The following KIAA1328 variants were observed in gnomAD, a reference collection of about 807,000 sequenced individuals.
KIAA1328 encodes the protein KIAA1328.
A neutral mutation model predicts 68.1 loss-of-function variants in KIAA1328; 52 were observed. That is an observed-to-expected ratio of 0.76 (90% CI 0.61 to 0.96). KIAA1328 has a LOEUF of 0.96. KIAA1328 is among the 40% of genes least tolerant of loss of function. The pLI, the probability that KIAA1328 is intolerant of heterozygous loss-of-function variation, is 0.00. For synonymous variants in KIAA1328, 232 were observed against 239.4 expected (o/e 0.97, Z 0.28); for missense variants, 641 against 677.6 (o/e 0.95, Z 0.60).
chr18:37,173,047 A>G lies in KIAA1328; in HGVS notation c.1489A>G (p.Thr497Ala). The G allele has an allele frequency of 6.2e-7, 1 of 1,613,608 alleles. No homozygotes were observed. Among genetic ancestry groups the G allele is most frequent in the South Asian group, 1.1e-5 (1 of 91,040 alleles). ...AGGAAGCCTAAAGGATTTTGTCACC[A>G]CAGCCTCACCATCATTACAGCACAC... ...PTGSLKDFVT[T>A]ASPSLQHTTS... is the part of the protein sequence containing the mutation. Residue 497 changes from threonine (T) to alanine (A), a missense_variant, in exon 9 of 10, where the codon ACA becomes GCA. Thr to Ala is a moderately conservative substitution (Grantham distance 58, BLOSUM62 0). Transcript: ENST00000280020.
chr18:37,215,969 G>A (rs2060423118), intron 9 of KIAA1328, among the ~76,000 whole-genome samples: 1 of 152,156 alleles, frequency 6.6e-6, no homozygotes, highest in Non-Finnish European at 1.5e-5. Context: ...ATGGTAGTTT[G>A]TACTTCTGTG....
rs755924003 is a variant in KIAA1328, at chr18:37,133,798, A to G, written c.1233-26402A>G. The stretch of plus-strand genomic sequence containing the variant: ...CTCAGCCTCCCAAAGTGCTGTGATT[A>G]TAGGTGTGAGCCATTACTCCCGGCC... On this transcript the variant is annotated intron_variant, in intron 7 of 9. Transcript: ENST00000280020. Among the ~76,000 whole-genome samples, 158 of 152,182 alleles carry G rather than the reference A, an allele frequency of 1.0e-3. 1 individual carries two copies. The highest frequency in any genetic ancestry group is 1.7e-3 in the Non-Finnish European group (116 of 68,006).
intron 6 of KIAA1328, among the ~76,000 whole-genome samples, chr18:37,002,346 CCATAGG>C (rs2053622075): frequency 6.7e-6 from 1 of 149,076 alleles, no homozygotes; most frequent in Admixed American, 6.8e-5. Flanking sequence ...AGAGCTAAGA[CCATAGG>C]CATGTGCTAC....
At chr18:37,029,342 G>T (rs1296015150) in intron 6 of KIAA1328, among the ~76,000 whole-genome samples, 4 of 151,938 alleles carry the variant, frequency 2.6e-5, no homozygotes, top group African/African-American at 9.7e-5. Context: ...TTTTATTTGG[G>T]ATTGGTGGCA....
intron 9 of KIAA1328, among the ~76,000 whole-genome samples, chr18:37,186,235 T>C (rs1568509904): frequency 6.6e-6 from 1 of 151,468 alleles, no homozygotes; most frequent in Non-Finnish European, 1.5e-5. Flanking sequence ...TAGCTGGGAT[T>C]ACAGACTTGC....
intron 7 of KIAA1328, among the ~76,000 whole-genome samples, chr18:37,086,141 A>G (rs2057097665): frequency 6.6e-6 from 1 of 152,174 alleles, no homozygotes; most frequent in Admixed American, 6.5e-5. Context: ...GAGCTTGAAT[A>G]AGTTCTGGAG....
chr18:36,915,091 T>TAA (rs2049634363), intron 5 of KIAA1328, among the ~76,000 whole-genome samples: 2 of 152,164 alleles, frequency 1.3e-5, no homozygotes, highest in Non-Finnish European at 2.9e-5. Context: ...AACACTTTTT[T>TAA]AAAAGATGAA....
At chr18:37,085,237 C>T (rs895780877) in intron 7 of KIAA1328, among the ~76,000 whole-genome samples, 11 of 152,026 alleles carry the variant, frequency 7.2e-5, no homozygotes, top group Admixed American at 4.6e-4. Flanking sequence ...GGCTGCCCAA[C>T]GCTAGCTTTT....
At chr18:36,915,317 C>T (rs2049645218) in intron 5 of KIAA1328, among the ~76,000 whole-genome samples, 1 of 151,764 alleles carries the variant, frequency 6.6e-6, no homozygotes, top group Non-Finnish European at 1.5e-5. Flanking sequence ...AAGTATGATA[C>T]ATAAAAGAAA....
At chr18:36,834,219 A>G in intron 1 of KIAA1328, 101 bp from the exon 2 acceptor site, 2 of 1,270,700 alleles carry the variant, frequency 1.6e-6, no homozygotes, top group South Asian at 3.2e-5. Flanking sequence ...ACAAATTCCC[A>G]GGTCAAAAGA....
intron 6 of KIAA1328, among the ~76,000 whole-genome samples, chr18:37,052,620 A>G (rs943045783): frequency 3.9e-5 from 6 of 152,184 alleles, no homozygotes; most frequent in South Asian, 2.1e-4. Context: ...AAAGGCTTCT[A>G]GAATCAATAA....
chr18:37,077,865 G>A (rs1013458716), intron 7 of KIAA1328, among the ~76,000 whole-genome samples: 2 of 151,776 alleles, frequency 1.3e-5, no homozygotes, highest in Admixed American at 6.6e-5. Flanking sequence ...CATGCTCATG[G>A]GTAGGAAGAA....
At chr18:37,124,788 TC>T (rs1204159576) in intron 7 of KIAA1328, among the ~76,000 whole-genome samples, 4 of 152,132 alleles carry the variant, frequency 2.6e-5, no homozygotes, top group Admixed American at 2.6e-4. Flanking sequence ...ATCATTCCAG[TC>T]CCCTCGTGCT....
At chr18:36,942,680 T>C (rs2050758273) in intron 5 of KIAA1328, among the ~76,000 whole-genome samples, 2 of 152,210 alleles carry the variant, frequency 1.3e-5, no homozygotes, top group Admixed American at 1.3e-4. Context: ...GGAGTAACCC[T>C]TTCTGTGGCT....
chr18:37,097,346 C>A (rs1367678882), intron 7 of KIAA1328, among the ~76,000 whole-genome samples: 1 of 152,180 alleles, frequency 6.6e-6, no homozygotes, highest in Non-Finnish European at 1.5e-5. Context: ...TTCTCCATTT[C>A]TTGTTTTTGT....
chr18:37,096,108 A>C (rs2057397769), intron 7 of KIAA1328, among the ~76,000 whole-genome samples: 1 of 151,802 alleles, frequency 6.6e-6, no homozygotes, highest in Non-Finnish European at 1.5e-5. Flanking sequence ...TTTAAGTTTT[A>C]GCGTACATGT....
chr18:37,004,592 C>T (rs1211789335), intron 6 of KIAA1328, among the ~76,000 whole-genome samples: 1 of 151,770 alleles, frequency 6.6e-6, no homozygotes, highest in Admixed American at 6.6e-5. Flanking sequence ...ACCGTAATCA[C>T]AAAATAATGG....
chr18:37,171,949 A>C (rs534852395), intron 8 of KIAA1328, among the ~76,000 whole-genome samples: 2 of 152,242 alleles, frequency 1.3e-5, no homozygotes, highest in African/African-American at 4.8e-5. Context: ...AGTTGACATA[A>C]AGAGTATAGT....
chr18:37,073,574 A>G (rs1450547039), intron 7 of KIAA1328, among the ~76,000 whole-genome samples: 1 of 151,956 alleles, frequency 6.6e-6, no homozygotes, highest in Admixed American at 6.6e-5. Flanking sequence ...AGACTGTACA[A>G]TTTCTCTTGT....
Sources: allele counts gnomAD v4.1 joint callset (sites outside exome capture counted in the v4.1 genomes callset), GRCh38; gene constraint gnomAD v4.1.1; transcripts MANE v1.5; gene names NCBI Gene and HGNC (gene_info 2026-07-23, HGNC 2026-07-21).